Variants in GTF2F2 observed in about 807,000 individuals in gnomAD.
The protein encoded by GTF2F2 is ATP-dependent helicase GTF2F2.
In GTF2F2, 23 loss-of-function variants were observed where a neutral mutation model predicts 42.2. The observed-to-expected ratio is 0.55, with a 90% CI of 0.39 to 0.77. GTF2F2 has a LOEUF of 0.77. Among genes scored for constraint, GTF2F2 ranks in the 30% least tolerant of loss-of-function variants. GTF2F2 has a pLI of 0.00. For synonymous variants in GTF2F2, 105 were observed against 100.8 expected (o/e 1.04, Z -0.25); for missense variants, 261 against 287.2 (o/e 0.91, Z 0.66).
intron 4 of GTF2F2, among the ~76,000 whole-genome samples, chr13:45,189,495 T>C (rs1180164573): frequency 6.6e-6 from 1 of 152,260 alleles, no homozygotes; most frequent in African/African-American, 2.4e-5. Flanking sequence ...TCCACAATGG[T>C]TGAACTAATT....
chr13:45,128,599 TTTTA>T (rs1869171024), intron 1 of GTF2F2, among the ~76,000 whole-genome samples: 1 of 151,518 alleles, frequency 6.6e-6, no homozygotes, highest in Admixed American at 6.6e-5. Flanking sequence ...TTTTATTTTA[TTTTA>T]TTTTTTGAGA....
Position 45,267,366 on chromosome 13 carries a change from A to G in GTF2F2, c.620A>G (p.Lys207Arg). 1 of 1,607,376 alleles carries G rather than the reference A, an allele frequency of 6.2e-7. No homozygotes were observed. The highest frequency in any genetic ancestry group is 8.5e-7 in the Non-Finnish European group (1 of 1,175,384). The change falls in exon 7 of 8, where the codon AAG becomes AGG. Residue 207 changes from lysine (K) to arginine (R), a missense_variant. By Grantham distance (26) the Lys-to-Arg change is conservative (BLOSUM62 2). Coordinates refer to ENST00000340473, the MANE Select transcript of GTF2F2 (RefSeq NM_004128.3). ...YNLKDLVDIT[K>R]QPVVYLKEIL... ...CTTAAGGACTTGGTGGACATCACAA[A>G]GCAACCTGTGGTATGTATATGTTCA...
At chr13:45,144,924 A>G (rs548155320) in intron 2 of GTF2F2, among the ~76,000 whole-genome samples, 4 of 152,330 alleles carry the variant, frequency 2.6e-5, no homozygotes, top group African/African-American at 9.6e-5. Context: ...ATGTGTGTGT[A>G]TATAACTTAC....
At chr13:45,202,566 T>C (rs1011123151) in intron 4 of GTF2F2, among the ~76,000 whole-genome samples, 3 of 152,210 alleles carry the variant, frequency 2.0e-5, no homozygotes, top group African/African-American at 7.2e-5. Flanking sequence ...AACCAGTAAT[T>C]GGTCAGTTAC....
intron 4 of GTF2F2, among the ~76,000 whole-genome samples, chr13:45,203,176 A>G (rs947447247): frequency 6.6e-6 from 1 of 151,964 alleles, no homozygotes; most frequent in Admixed American, 6.6e-5. Context: ...TACAGAGTTC[A>G]AACAATTCTC....
At chr13:45,273,718 G>A (rs892771324) in intron 7 of GTF2F2, among the ~76,000 whole-genome samples, 9 of 145,090 alleles carry the variant, frequency 6.2e-5, no homozygotes, top group South Asian at 2.2e-4. Context: ...GCAATGGCGC[G>A]ATCTCGGCTC....
rs540752664 is a variant in GTF2F2, at chr13:45,242,280, T to TTA, written c.387-10591_387-10590insTA. Reference sequence around the variant, plus strand: ...TCTTTTTTTTTTTTTTTTTTTTTTTTAACTTGACTTTGGGCCAAGTATGTG... The same window carrying TTA: ...TCTTTTTTTTTTTTTTTTTTTTTTTTTAAACTTGACTTTGGGCCAAGTATGTG... On this transcript the variant is annotated intron_variant, in intron 5 of 7. Transcript: ENST00000340473. 7.2e-3 allele frequency among the ~76,000 whole-genome samples: 1,054 copies of TTA among 146,236 alleles called. 11 individuals carry two copies. The highest frequency in any genetic ancestry group is 0.023 in the African/African-American group (892 of 38,576).
chr13:45,202,138 G>A (rs757992270), intron 4 of GTF2F2, among the ~76,000 whole-genome samples: 1 of 152,142 alleles, frequency 6.6e-6, no homozygotes, highest in Non-Finnish European at 1.5e-5. Flanking sequence ...TGTAATCCTA[G>A]CACTTTGGGA....
chr13:45,170,459 T>C (rs1290209234), intron 4 of GTF2F2, among the ~76,000 whole-genome samples: 2 of 152,250 alleles, frequency 1.3e-5, no homozygotes, highest in East Asian at 3.8e-4. Flanking sequence ...GGAAAGTGAA[T>C]GTCAGTTGAG....
chr13:45,121,829 A>G (rs766743836), intron 1 of GTF2F2, among the ~76,000 whole-genome samples: 1 of 152,148 alleles, frequency 6.6e-6, no homozygotes, highest in Non-Finnish European at 1.5e-5. Flanking sequence ...TTATTTCCAA[A>G]CTCAGTGTGA....
chr13:45,120,702 C>T lies in GTF2F2; in HGVS notation c.47C>T (p.Thr16Ile), dbSNP rs1324167373. The change falls in exon 1 of 8, where the codon ACA (threonine) becomes ATA (isoleucine). Residue 16 changes from threonine to isoleucine, a missense_variant. Coordinates refer to ENST00000340473, the MANE Select transcript of GTF2F2 (RefSeq NM_004128.3). ...GACTTGACCGGCGCCAAACAGAACA[C>T]AGGAGTGTGGCTAGTCAAGGTAATG... ...ELDLTGAKQN[T>I]GVWLVKVPKY... The T allele has an allele frequency of 3.2e-6, 5 of 1,560,732 alleles. No homozygotes were observed. The Admixed American group carries it at 9.6e-5, about 30-fold the overall frequency.
chr13:45,191,224 A>AAAAAAAAATATATAT, intron 4 of GTF2F2, among the ~76,000 whole-genome samples: 34 of 75,306 alleles, frequency 4.5e-4, no homozygotes, highest in African/African-American at 2.6e-3. Context: ...ACAAAAAAAA[A>AAAAAAAAATATATAT]ATATATATAT....
intron 5 of GTF2F2, among the ~76,000 whole-genome samples, chr13:45,212,455 C>CTTTCTTTTCTTTTCTTTCTT (rs71184403): frequency 1.0e-5 from 1 of 96,594 alleles, no homozygotes; most frequent in African/African-American, 4.5e-5. Flanking sequence ...TTGTTTCTTT[C>CTTTCTTTTCTTTTCTTTCTT]TTTCTTTCTT....
intron 6 of GTF2F2, among the ~76,000 whole-genome samples, chr13:45,257,207 C>G (rs985979056): frequency 6.6e-6 from 1 of 152,178 alleles, no homozygotes; most frequent in Non-Finnish European, 1.5e-5. Flanking sequence ...AAACCATCTA[C>G]TGGGCCAAAA....
chr13:45,208,018 C>T (rs920245097), intron 5 of GTF2F2, among the ~76,000 whole-genome samples: 11 of 151,400 alleles, frequency 7.3e-5, no homozygotes, highest in African/African-American at 2.4e-4. Context: ...ATTAGCTGGG[C>T]GTGGCTGAGG....
intron 2 of GTF2F2, among the ~76,000 whole-genome samples, chr13:45,148,740 A>G (rs539475144): frequency 1.3e-5 from 2 of 152,292 alleles, no homozygotes; most frequent in African/African-American, 4.8e-5. Context: ...GAGGTATTTA[A>G]TACATACTTT....
intron 4 of GTF2F2, among the ~76,000 whole-genome samples, chr13:45,175,393 A>G (rs539636740): frequency 6.6e-5 from 10 of 152,312 alleles, no homozygotes; most frequent in South Asian, 4.1e-4. Flanking sequence ...TAGTGCTGCA[A>G]TAAACATAGG....
Position 45,167,600 on chromosome 13 carries a change from A to G in GTF2F2, c.304+15769A>G, listed in dbSNP as rs553102961. On this transcript the variant is annotated intron_variant, in intron 4 of 7. Transcript: ENST00000340473. ...TTTTTAGTAGAGATGGGGTTCTACC[A>G]TGTTGGCCAGGATGGTCTTGATCTC... 9.2e-5 allele frequency among the ~76,000 whole-genome samples: 14 copies of G among 152,118 alleles called. No individual in the cohort carries two copies. In the South Asian group the frequency reaches 1.9e-3, roughly 20 times the overall value.
intron 5 of GTF2F2, among the ~76,000 whole-genome samples, chr13:45,236,483 C>CCACACA (rs1371070252): frequency 3.1e-5 from 4 of 127,722 alleles, no homozygotes; most frequent in African/African-American, 1.5e-4. Flanking sequence ...TCACCCCCCG[C>CCACACA]CACACATACA....
Sources: gnomAD v4.1 joint callset for allele counts (sites outside exome capture counted in the v4.1 genomes callset) on GRCh38, gnomAD v4.1.1 for gene constraint, MANE v1.5 for transcripts, NCBI Gene and HGNC (gene_info 2026-07-23, HGNC 2026-07-21) for gene names.